Variants in CD101 observed in about 807,000 individuals in gnomAD.
The protein encoded by CD101 is immunoglobulin superfamily member 2.
In CD101, 76 loss-of-function variants were observed where a neutral mutation model predicts 98.2. That is an observed-to-expected ratio of 0.77 (90% CI 0.64 to 0.94). CD101 has a LOEUF of 0.94. Ranked by LOEUF, CD101 falls within the 40% of genes least tolerant of loss-of-function variation. The pLI is 0.00. For missense variants in CD101, 1,145 were observed against 1,218.8 expected, an observed-to-expected ratio of 0.94 and a Z score of 0.90; for synonymous variants, 471 against 472.7, an observed-to-expected ratio of 1.00 and a Z score of 0.05.
chr1:117,036,336 C>G lies in CD101; in HGVS notation c.*202C>G, dbSNP rs760923960. ...CCAGGGGGAGCTATAGCTTCATGAC[C>G]GTAACATGTGACCTGTGTGCTGGCA... On this transcript the variant is annotated 3_prime_UTR_variant, in exon 10 of 10. Coordinates refer to ENST00000682167, the MANE Select transcript of CD101 (RefSeq NM_001256106.3). This position sits in a 1 kb window ranked among gnomAD's most constrained non-coding sequence, Gnocchi z 5.0. 1 of 152,190 alleles carries G rather than the reference C, an allele frequency of 6.6e-6. No individual in the cohort carries two copies. Among genetic ancestry groups the G allele is most frequent in the African/African-American group, 2.4e-5 (1 of 41,374 alleles). 9.4% of individuals were successfully genotyped at this position (152,190 alleles called of 1,614,324 possible).
chr1:117,009,957 C>T lies in CD101; in HGVS notation c.151C>T (p.Pro51Ser), dbSNP rs138818196. 6.2e-7 allele frequency: 1 copy of T among 1,613,586 alleles called. No individual in the cohort carries two copies. The highest frequency in any genetic ancestry group is 8.5e-7 in the Non-Finnish European group (1 of 1,179,590). ...IGCNVTGHQGPSEQHFQWSVY... is the reference protein window; with the variant it reads ...IGCNVTGHQGSSEQHFQWSVY... ...CTGCAATGTAACTGGCCACCAGGGA[C>T]CTTCTGAGCAGCATTTCCAGTGGTC... Residue 51 changes from proline to serine, a missense_variant, in exon 2 of 10, where the codon CCT becomes TCT. Transcript: ENST00000682167.
Position 117,023,418 on chromosome 1 carries a change from CTTCT to C in CD101, c.2428+1438_2428+1441del, listed in dbSNP as rs908698206. On this transcript the variant is annotated intron_variant, in intron 7 of 9. Transcript: ENST00000682167. This position sits in a 1 kb window ranked among gnomAD's most constrained non-coding sequence, Gnocchi z 4.4. ...GAGAATGTCCACAACTAATTCACTT[CTTCT>C]TTTTCTTTTTTTTTAGACGGAGTCT... Among the ~76,000 whole-genome samples, 2 of 151,942 alleles carry C rather than the reference CTTCT, an allele frequency of 1.3e-5. No homozygotes were observed. The highest frequency in any genetic ancestry group is 4.8e-5 in the African/African-American group (2 of 41,388).
Position 117,021,899 on chromosome 1 carries a change from G to GA in CD101, c.2346dup (p.Trp783MetfsTer30). The GA allele has an allele frequency of 6.2e-7, 1 of 1,614,150 alleles. No homozygotes were observed. The highest frequency in any genetic ancestry group is 2.2e-5 in the East Asian group (1 of 44,880). ...GGGCAAATATCACTGTGCTGTGGAG[G>GA]AATGGCTCCTGTCTACAAATGGCAC... is the stretch of plus-strand genomic sequence containing the variant. On this transcript the variant is annotated frameshift_variant, in exon 7 of 10. Transcript: ENST00000682167. LOFTEE classifies it high-confidence loss of function. This position sits in a 1 kb window ranked among gnomAD's most constrained non-coding sequence, Gnocchi z 4.7.
intron 1 of CD101, 43 bp downstream of exon 1, chr1:117,001,903 C>A: frequency 6.3e-7 from 1 of 1,592,434 alleles, no homozygotes; most frequent in East Asian, 2.2e-5. Flanking sequence ...CACAGGAGTT[C>A]ATCAACTCAG....
intron 1 of CD101, among the ~76,000 whole-genome samples, chr1:117,009,049 C>T (rs1261160916): frequency 6.6e-6 from 1 of 152,202 alleles, no homozygotes; most frequent in African/African-American, 2.4e-5. Flanking sequence ...AAAAATTTGT[C>T]AAATGAAATA....
Position 117,030,405 on chromosome 1 carries a change from A to AACAAAC in CD101, c.2825-3454_2825-3453insCAAACA, listed in dbSNP as rs769658340. ...AAACAAACAAACAAACAAACAAACA[A>AACAAAC]AGAGAGAGAGAGAGAAAGAGACAGA... On this transcript the variant is annotated intron_variant, in intron 8 of 9. Coordinates refer to ENST00000682167, the MANE Select transcript of CD101 (RefSeq NM_001256106.3). Among the ~76,000 whole-genome samples, 68 of 149,250 alleles carry AACAAAC rather than the reference A, an allele frequency of 4.6e-4. 1 individual carries two copies. The highest frequency in any genetic ancestry group is 9.2e-4 in the Non-Finnish European group (62 of 67,036).
chr1:117,031,973 T>C (rs1408455563), intron 8 of CD101: 1 of 152,196 alleles, frequency 6.6e-6, no homozygotes, highest in Non-Finnish European at 1.5e-5. Flanking sequence ...TGCTTCCTTC[T>C]AGCCACGGGC....
At position 117,025,737 on chromosome 1, in the gene CD101, G is replaced by T. The variant is rs780745846; in HGVS notation, c.2657G>T (p.Arg886Leu). The T allele has an allele frequency of 6.2e-7, 1 of 1,614,174 alleles. No homozygotes were observed. Among genetic ancestry groups the T allele is most frequent in the South Asian group, 1.1e-5 (1 of 91,084 alleles). Reference sequence around the variant, plus strand: ...CTCAGGAGGCACCTGCACTGTTACCGTTCATCCTCTACAGACTTTGTCCTG... The same window carrying T: ...CTCAGGAGGCACCTGCACTGTTACCTTTCATCCTCTACAGACTTTGTCCTG... ...EGLRRHLHCY[R>L]SSSTDFVLKL... The change falls in exon 8 of 10, where the codon CGT (arginine) becomes CTT (leucine). Residue 886 changes from arginine to leucine, a missense_variant. Transcript: ENST00000682167.
chr1:117,011,967 G>C lies in CD101; in HGVS notation c.841+1G>C. 1 of 1,607,226 alleles carries C rather than the reference G, an allele frequency of 6.2e-7. No individual in the cohort carries two copies. Among genetic ancestry groups the C allele is most frequent in the Non-Finnish European group, 8.5e-7 (1 of 1,175,126 alleles). ...ACCACTCTGAGGATCCAGCCAGCAG[G>C]TAATTATCTTCCTACGAAATTCATT... On this transcript the variant is annotated splice_donor_variant, in intron 3 of 9. Transcript: ENST00000682167. LOFTEE classifies it high-confidence loss of function.
intron 1 of CD101, among the ~76,000 whole-genome samples, chr1:117,008,450 GCAAGACCGTGT>G (rs1483413476): frequency 6.6e-6 from 1 of 151,812 alleles, no homozygotes; most frequent in Non-Finnish European, 1.5e-5. Flanking sequence ...GGGTGACAGA[GCAAGACCGTGT>G]CAAAAAAAAA....
In CD101 at chr1:117,024,000, A is replaced by G. The variant is rs1375513926; in HGVS notation, c.2429-1509A>G. On this transcript the variant is annotated intron_variant, in intron 7 of 9. Transcript: ENST00000682167. The surrounding 1 kb of genome is among the most constrained non-coding windows in gnomAD (Gnocchi z 4.4). ...CTGGGAAATTGGGCCCTGGCCAAGT[A>G]AAGTGATGGGATTGGAAGCCAGATC... Among the ~76,000 whole-genome samples the G allele has an allele frequency of 6.6e-6, 1 of 152,246 alleles. No homozygotes were observed. Among genetic ancestry groups the G allele is most frequent in the African/African-American group, 2.4e-5 (1 of 41,480 alleles).
intron 6 of CD101, among the ~76,000 whole-genome samples, chr1:117,020,805 A>C (rs896978208): frequency 6.6e-6 from 1 of 152,222 alleles, no homozygotes; most frequent in African/African-American, 2.4e-5. Context: ...TGTGTGCTTC[A>C]TAAATATTTG....
chr1:117,027,861 G>T (rs55990790), intron 8 of CD101, among the ~76,000 whole-genome samples: 1 of 151,958 alleles, frequency 6.6e-6, no homozygotes, highest in Non-Finnish European at 1.5e-5. Context: ...AGGCGGGCGG[G>T]TCACCTGACG....
rs1653020651 is a variant in CD101 at position 117,013,613 on chromosome 1, TC to T, written c.1051del (p.Gln351ArgfsTer5). On this transcript the variant is annotated frameshift_variant, in exon 4 of 10. Transcript: ENST00000682167. LOFTEE classifies it high-confidence loss of function. ...DYKERASQGELQVSKLGPKAF... is the reference protein window; with the variant it reads ...DYKERASQGEXQVSKLGPKAF... ...AAAGAGAGAGCAAGTCAAGGAGAGCTCCAGGTTTCAAAGTTAGGCCCCAAGG... is the reference window on the plus strand; with the variant it reads ...AAAGAGAGAGCAAGTCAAGGAGAGCTCAGGTTTCAAAGTTAGGCCCCAAGG... 5.0e-6 allele frequency: 8 copies of T among 1,613,956 alleles called. No homozygotes were observed. In the African/African-American group the frequency reaches 1.1e-4, roughly 22 times the overall value.
chr1:117,032,246 ACTT>A (rs1402743508), intron 8 of CD101: 1 of 152,212 alleles, frequency 6.6e-6, no homozygotes, highest in Non-Finnish European at 1.5e-5. Flanking sequence ...GATGATCTGT[ACTT>A]TGTATAGCAT....
chr1:117,009,274 A>C (rs1652732679), intron 1 of CD101, among the ~76,000 whole-genome samples: 1 of 152,236 alleles, frequency 6.6e-6, no homozygotes, highest in Non-Finnish European at 1.5e-5. Context: ...AAAACCAAAA[A>C]AACCTCCACA....
intron 4 of CD101, among the ~76,000 whole-genome samples, chr1:117,016,061 T>C (rs1653195713): frequency 6.6e-6 from 1 of 152,044 alleles, no homozygotes; most frequent in Non-Finnish European, 1.5e-5. Flanking sequence ...GAGCCAGATT[T>C]ACATTTATGG....
At chr1:117,028,313 G>A (rs1291257596) in intron 8 of CD101, among the ~76,000 whole-genome samples, 1 of 152,086 alleles carries the variant, frequency 6.6e-6, no homozygotes, top group East Asian at 1.9e-4. Context: ...GGGCAAAGGA[G>A]CAGAAGGAGA....
Position 117,009,921 on chromosome 1 carries a change from G to A in CD101, c.115G>A (p.Val39Ile). The A allele has an allele frequency of 1.2e-6, 2 of 1,614,050 alleles. No homozygotes were observed. Among genetic ancestry groups the A allele is most frequent in the Non-Finnish European group, 1.7e-6 (2 of 1,180,018 alleles). ...ACTGTTTAGAGCTGAAGGTTACCCA[G>A]TCAGCATTGGCTGCAATGTAACTGG... ...GPLFRAEGYP[V>I]SIGCNVTGHQ... is the part of the protein sequence containing the mutation. The change falls in exon 2 of 10, where the codon GTC (valine) becomes ATC (isoleucine). Residue 39 changes from valine to isoleucine, a missense_variant. Val to Ile is a conservative substitution (Grantham distance 29). Transcript: ENST00000682167.
Sources: allele counts gnomAD v4.1 joint callset (sites outside exome capture counted in the v4.1 genomes callset), GRCh38; gene constraint gnomAD v4.1.1; non-coding constraint Gnocchi (gnomAD v3.1); transcripts MANE v1.5; gene names NCBI Gene and HGNC (gene_info 2026-07-23, HGNC 2026-07-21).